Variants in GRM7 observed in about 807,000 individuals in gnomAD.
GRM7 encodes the protein glutamate metabotropic receptor 7, also known as metabotropic glutamate receptor 7.
GRM7 carries 35 observed loss-of-function variants against 84.5 expected under a neutral mutation model. The observed-to-expected ratio is 0.41, with a 90% confidence interval of 0.32 to 0.55. The LOEUF (loss-of-function observed/expected upper bound fraction) is 0.55. Among genes scored for constraint, GRM7 ranks in the 20% least tolerant of loss-of-function variants. GRM7 has a pLI of 0.19. For missense variants in GRM7, 1,003 were observed against 1,194.6 expected (o/e 0.84, Z 2.36); for synonymous variants, 487 against 455.1 (o/e 1.07, Z -0.89).
At chr3:7,150,937 T>C (rs1694267553) in intron 2 of GRM7, among the ~76,000 whole-genome samples, 1 of 152,200 alleles carries the variant, frequency 6.6e-6, no homozygotes, top group Non-Finnish European at 1.5e-5. Flanking sequence ...GAAAATCTCA[T>C]GAATACTGCT....
At chr3:7,455,604 T>G (rs1278172112) in intron 6 of GRM7, among the ~76,000 whole-genome samples, 1 of 152,136 alleles carries the variant, frequency 6.6e-6, no homozygotes, top group Non-Finnish European at 1.5e-5. Flanking sequence ...CAAATCCAAA[T>G]TAAAAGATGT....
At chr3:7,136,391 T>C (rs772713894) in intron 1 of GRM7, among the ~76,000 whole-genome samples, 2 of 151,682 alleles carry the variant, frequency 1.3e-5, no homozygotes, top group Non-Finnish European at 2.9e-5. Flanking sequence ...TGAGGCATCA[T>C]AGTTTATGTT....
At chr3:7,572,935 T>G (rs1345983531) in intron 7 of GRM7, among the ~76,000 whole-genome samples, 4 of 138,530 alleles carry the variant, frequency 2.9e-5, no homozygotes, top group African/African-American at 1.1e-4. Flanking sequence ...TTAAAAAAGG[T>G]TGACTTTTAT....
intron 6 of GRM7, among the ~76,000 whole-genome samples, chr3:7,456,627 A>G (rs919587394): frequency 6.6e-6 from 1 of 151,712 alleles, no homozygotes; most frequent in Non-Finnish European, 1.5e-5. Context: ...TTCCTGCATC[A>G]TTCCTGCTGC....
chr3:6,863,254 C>T lies in GRM7; in HGVS notation c.519+1347C>T, dbSNP rs1318872093. On this transcript the variant is annotated intron_variant, in intron 1 of 9. Coordinates refer to ENST00000357716, the MANE Select transcript of GRM7 (RefSeq NM_000844.4). The surrounding 1 kb of genome is among the most constrained non-coding windows in gnomAD (Gnocchi z 4.8). ...CTTTTCCAGTGCATAGCGGCTCTCTCCCTGGCTGGTGGTACCCAAACCTAG... is the reference window on the plus strand; with the variant it reads ...CTTTTCCAGTGCATAGCGGCTCTCTTCCTGGCTGGTGGTACCCAAACCTAG... Among the ~76,000 whole-genome samples, 1 of 152,086 alleles carries T rather than the reference C, an allele frequency of 6.6e-6. No homozygotes were observed. Among genetic ancestry groups the T allele is most frequent in the Non-Finnish European group, 1.5e-5 (1 of 68,034 alleles).
chr3:7,574,077 C>T (rs894424940), intron 7 of GRM7, among the ~76,000 whole-genome samples: 2 of 151,778 alleles, frequency 1.3e-5, no homozygotes, highest in Non-Finnish European at 1.5e-5. Context: ...TCTTTTTAAT[C>T]TGTCTTTTTG....
At chr3:7,584,206 G>A (rs1287020367) in intron 8 of GRM7, among the ~76,000 whole-genome samples, 3 of 152,206 alleles carry the variant, frequency 2.0e-5, no homozygotes, top group Non-Finnish European at 4.4e-5. Flanking sequence ...CTTGTAAAAT[G>A]TGAGATTATA....
intron 7 of GRM7, among the ~76,000 whole-genome samples, chr3:7,516,164 C>CAAAAAAAA (rs35256206): frequency 3.2e-5 from 1 of 31,426 alleles, no homozygotes; most frequent in African/African-American, 1.3e-4. Context: ...CACCATATCT[C>CAAAAAAAA]AAAAAAAAAA....
At chr3:7,652,536 C>G (rs766662175) in intron 8 of GRM7, among the ~76,000 whole-genome samples, 1 of 152,136 alleles carries the variant, frequency 6.6e-6, no homozygotes, top group Non-Finnish European at 1.5e-5. Context: ...CCTCATTTGT[C>G]CAGTGAGGGG....
chr3:7,369,080 G>A (rs899731648), intron 4 of GRM7, among the ~76,000 whole-genome samples: 4 of 151,916 alleles, frequency 2.6e-5, no homozygotes, highest in Non-Finnish European at 4.4e-5. Context: ...TTTTTAAGAG[G>A]CAGGGTCTTT....
chr3:6,886,130 G>A (rs568499456), intron 1 of GRM7, among the ~76,000 whole-genome samples: 1 of 152,060 alleles, frequency 6.6e-6, no homozygotes, highest in East Asian at 1.9e-4. Flanking sequence ...TGTGTATGGT[G>A]AGGACACTAA....
intron 1 of GRM7, among the ~76,000 whole-genome samples, chr3:7,005,146 T>C (rs1394715561): frequency 2.0e-5 from 3 of 152,140 alleles, no homozygotes; most frequent in Non-Finnish European, 4.4e-5. Context: ...CGCGTCAAGG[T>C]GGAGCAGCAG....
intron 8 of GRM7, among the ~76,000 whole-genome samples, chr3:7,631,870 G>A (rs1365431487): frequency 6.6e-6 from 1 of 152,176 alleles, no homozygotes; most frequent in African/African-American, 2.4e-5. Flanking sequence ...GTGTGTGTCT[G>A]TGTGTGTATC....
intron 7 of GRM7, among the ~76,000 whole-genome samples, chr3:7,546,790 G>T (rs946138631): frequency 5.3e-5 from 8 of 151,604 alleles, no homozygotes; most frequent in African/African-American, 1.9e-4. Context: ...CATTTGTTTT[G>T]GTTCCTGCTT....
intron 5 of GRM7, among the ~76,000 whole-genome samples, chr3:7,442,134 T>C (rs1181562750): frequency 6.6e-6 from 1 of 152,170 alleles, no homozygotes; most frequent in Non-Finnish European, 1.5e-5. Flanking sequence ...CTTTTCTGTT[T>C]GTTTGTGTCA....
At chr3:6,916,344 A>G (rs773321688) in intron 1 of GRM7, among the ~76,000 whole-genome samples, 2 of 152,224 alleles carry the variant, frequency 1.3e-5, no homozygotes, top group Non-Finnish European at 2.9e-5. Context: ...TGAAAGGAGA[A>G]CCAACATTAT....
intron 8 of GRM7, among the ~76,000 whole-genome samples, chr3:7,621,475 G>A (rs974507225): frequency 6.6e-6 from 1 of 152,090 alleles, no homozygotes; most frequent in East Asian, 1.9e-4. Flanking sequence ...AGCATCTACC[G>A]GAATGCACCT....
intron 2 of GRM7, among the ~76,000 whole-genome samples, chr3:7,155,939 G>T: frequency 6.6e-6 from 1 of 152,150 alleles, no homozygotes; most frequent in South Asian, 2.1e-4. Context: ...TGACTTAAAA[G>T]CAAGCACTTA....
chr3:7,139,800 A>C (rs1253156506), intron 1 of GRM7, among the ~76,000 whole-genome samples: 1 of 152,030 alleles, frequency 6.6e-6, no homozygotes, highest in Non-Finnish European at 1.5e-5. Context: ...TCAGGCTACA[A>C]AAGCAAAAAT....
Sources: gnomAD v4.1 joint callset for allele counts (sites outside exome capture counted in the v4.1 genomes callset) on GRCh38, gnomAD v4.1.1 for gene constraint, Gnocchi (gnomAD v3.1) non-coding constraint, MANE v1.5 for transcripts, NCBI Gene and HGNC (gene_info 2026-07-23, HGNC 2026-07-21) for gene names.